DLG3: variants seen among roughly 807,000 people sequenced by gnomAD.
DLG3 encodes the protein discs large MAGUK scaffold protein 3.
A neutral mutation model predicts 64.1 loss-of-function variants in DLG3; 1 was observed. The ratio of observed to expected loss-of-function variants is 0.02; its 90% CI spans 0.01 to 0.07. DLG3 has a LOEUF of 0.07. Among genes scored for constraint, DLG3 ranks in the 10% least tolerant of loss-of-function variants. DLG3 has a pLI of 1.00. For missense variants in DLG3, 429 were observed against 669.5 expected (o/e 0.64, Z 3.96); for synonymous variants, 245 against 259.8 (o/e 0.94, Z 0.55).
intron 18 of DLG3, among the ~76,000 whole-genome samples, 164 bp downstream of exon 18, chrX:70,501,153 G>A (rs759092183): frequency 2.9e-4 from 32 of 111,060 alleles, no homozygotes; most frequent in Non-Finnish European, 5.5e-4. Flanking sequence ...CAAGTTCCCC[G>A]TGTCCAGCCA....
chrX:70,470,724 C>A (rs966757493), intron 9 of DLG3, among the ~76,000 whole-genome samples: 1 of 111,858 alleles, frequency 8.9e-6, no homozygotes, highest in African/African-American at 3.2e-5. Context: ...AGAAACTGAG[C>A]ACCTCTCAGC....
At chrX:70,501,413 C>CTGTGTGTGTGTGTGTGTGTGTGTGTG (rs58272461) in intron 18 of DLG3, among the ~76,000 whole-genome samples, 10 of 93,884 alleles carry the variant, frequency 1.1e-4, no homozygotes, top group African/African-American at 3.7e-4. Flanking sequence ...GTCTGTCTGT[C>CTGTGTGTGTGTGTGTGTGTGTGTGTG]TGTGTGTGTG....
Position 70,471,440 on chromosome X carries a change from C to T in DLG3, c.1406-7710C>T, listed in dbSNP as rs184924724. Among the ~76,000 whole-genome samples, 735 of 109,543 alleles carry T rather than the reference C, an allele frequency of 6.7e-3. 3 individuals carry two copies. Among genetic ancestry groups the T allele is most frequent in the African/African-American group, 0.023 (702 of 30,064 alleles). On this transcript the variant is annotated intron_variant, in intron 9 of 18. Coordinates refer to ENST00000374360, the MANE Select transcript of DLG3 (RefSeq NM_021120.4). ...CGCCTCCTGGGTTCACACCGTTCTC[C>T]TGCCTCAGCCTCCTGAGAAGCTGGG... is the stretch of plus-strand genomic sequence containing the variant.
chrX:70,475,446 C>T (rs1296496978), intron 9 of DLG3, among the ~76,000 whole-genome samples: 2 of 111,183 alleles, frequency 1.8e-5, no homozygotes, highest in East Asian at 5.7e-4. Context: ...CAACCCTCGC[C>T]TCCCAGGTTC....
At position 70,483,521 on chromosome X, in the gene DLG3, C is replaced by G. The variant is rs768975645; in HGVS notation, c.1520+4257C>G. 1.4e-3 allele frequency among the ~76,000 whole-genome samples: 162 copies of G among 112,690 alleles called. 1 individual carries two copies. Among genetic ancestry groups the G allele is most frequent in the Non-Finnish European group, 2.4e-3 (127 of 53,323 alleles). On this transcript the variant is annotated intron_variant, in intron 10 of 18. Coordinates refer to ENST00000374360, the MANE Select transcript of DLG3 (RefSeq NM_021120.4). The stretch of plus-strand genomic sequence containing the variant: ...GTCACCTCTGATTATTTTGCTGTCG[C>G]TTTCCCTATGACATGATTATTTTGC...
chrX:70,500,431 A>G (rs1318649077), intron 16 of DLG3, 40 bp from the exon 17 acceptor site: 1 of 1,068,587 alleles, frequency 9.4e-7, no homozygotes. Context: ...GACTTGGTGA[A>G]TAGGGAGTGG....
intron 4 of DLG3, 125 bp downstream of exon 4, chrX:70,449,984 C>T: frequency 9.9e-7 from 1 of 1,014,763 alleles, no homozygotes; most frequent in Non-Finnish European, 1.3e-6. Flanking sequence ...CAACTCACAG[C>T]CTACTTTTTT....
In DLG3 at chrX:70,499,199, A is replaced by C; in HGVS notation, c.1894A>C (p.Ile632Leu). The change falls in exon 15 of 19, where the codon ATC becomes CTC. Residue 632 changes from isoleucine to leucine, a missense_variant. Physicochemically the swap from Ile to Leu is conservative, Grantham distance 5 (BLOSUM62 2). This residue lies in a region of DLG3 where 46 missense variants were observed against 64.4 expected (regional missense o/e 0.71). Coordinates refer to ENST00000374360, the MANE Select transcript of DLG3 (RefSeq NM_021120.4). ...AGTTCACTATGCAAGGCCTGTGATC[A>C]TCCTGGGCCCAATGAAGGACCGAGT... ...QEIHYARPVI[I>L]LGPMKDRVND... 1 of 1,209,875 alleles carries C rather than the reference A, an allele frequency of 8.3e-7. No individual in the cohort carries two copies. Among genetic ancestry groups the C allele is most frequent in the Non-Finnish European group, 1.1e-6 (1 of 894,258 alleles).
chrX:70,482,704 C>T (rs772212989), intron 10 of DLG3, among the ~76,000 whole-genome samples: 3 of 80,575 alleles, frequency 3.7e-5, no homozygotes, highest in African/African-American at 5.0e-5. Flanking sequence ...CTCGCTCTGT[C>T]GCCCAGGCTG....
In DLG3 at chrX:70,452,444, C is replaced by G; in HGVS notation, c.1145+418C>G. The G allele has an allele frequency of 4.2e-6, 4 of 956,399 alleles. No homozygotes were observed. In the South Asian group the frequency reaches 1.6e-4, roughly 38 times the overall value. 78.8% of individuals were successfully genotyped at this position (956,399 alleles called of 1,213,427 possible). ...ACTCTGACCGGCCCGGTGGCCTCGC[C>G]GGCAACGGCCCCGCCCCGCTGGCGG... On this transcript the variant is annotated intron_variant, in intron 7 of 18. Transcript: ENST00000374360.
rs764279495 is a variant in DLG3, at chrX:70,499,294, G to A, written c.1972+17G>A. ...GTGTGCCACGTAAGAGTCCAGGAAG[G>A]CCCAGAGGAGTGAGGCTTGGTGCCC... On this transcript the variant is annotated intron_variant, in intron 15 of 18. Transcript: ENST00000374360. 1.8e-5 allele frequency: 20 copies of A among 1,112,095 alleles called. No individual in the cohort carries two copies. Among genetic ancestry groups the A allele is most frequent in the Non-Finnish European group, 9.9e-6 (8 of 806,272 alleles). The allele number at this position is 1,112,095 out of a possible 1,213,427, so 91.6% of individuals were successfully genotyped here. A position where few individuals can be genotyped will look rare whatever the true frequency, so the allele number is the denominator to read the frequency against.
intron 9 of DLG3, among the ~76,000 whole-genome samples, chrX:70,475,552 G>GT (rs2087041576): frequency 8.9e-6 from 1 of 111,959 alleles, no homozygotes; most frequent in Non-Finnish European, 1.9e-5. Flanking sequence ...GTTTCACCAT[G>GT]TTGGCCACAC....
chrX:70,447,065 C>T (rs7889367), intron 1 of DLG3, among the ~76,000 whole-genome samples: 20,301 of 110,588 alleles, frequency 0.18, 1,658 homozygotes, highest in African/African-American at 0.3. Flanking sequence ...GCCTTTCTCT[C>T]GCAAACACCC....
chrX:70,473,520 C>T (rs1034710308), intron 9 of DLG3, among the ~76,000 whole-genome samples: 1 of 111,905 alleles, frequency 8.9e-6, no homozygotes, highest in Non-Finnish European at 1.9e-5. Flanking sequence ...TTCTAGGGAC[C>T]ATTTTGATTA....
chrX:70,462,243 C>CTTTTTTTTTTTTTTT (rs141689653), intron 9 of DLG3, among the ~76,000 whole-genome samples: 58 of 46,974 alleles, frequency 1.2e-3, no homozygotes, highest in East Asian at 2.6e-3. Context: ...TTCTTTCTTT[C>CTTTTTTTTTTTTTTT]TTTTTTTTTT....
Position 70,504,335 on chromosome X carries a change from A to G in DLG3, c.*2066A>G, listed in dbSNP as rs1239004813. 8.9e-6 allele frequency: 1 copy of G among 112,500 alleles called. No individual in the cohort carries two copies. The highest frequency in any genetic ancestry group is 1.9e-5 in the Non-Finnish European group (1 of 53,205). 9.3% of individuals were successfully genotyped at this position (112,500 alleles called of 1,213,427 possible). A position where few individuals can be genotyped will look rare whatever the true frequency, so the allele number is the denominator to read the frequency against. On this transcript the variant is annotated 3_prime_UTR_variant, in exon 19 of 19. Transcript: ENST00000374360. ...TTACCAGTGTTTCTTCCAAGGAGAC[A>G]TATATTTTTTAATAAACGATAGTTG...
intron 15 of DLG3, 25 bp downstream of exon 15, chrX:70,499,302 G>A: frequency 9.2e-7 from 1 of 1,082,894 alleles, no homozygotes; most frequent in Non-Finnish European, 1.3e-6. Context: ...AGGCCCAGAG[G>A]AGTGAGGCTT....
rs375246548 is a variant in DLG3, at chrX:70,449,523, A to G, written c.533+40A>G. The G allele has an allele frequency of 1.5e-4, 172 of 1,120,675 alleles. 1 individual carries two copies. The highest frequency in any genetic ancestry group is 1.9e-4 in the Non-Finnish European group (157 of 840,478). The allele number at this position is 1,120,675 out of a possible 1,213,427, so 92.4% of individuals were successfully genotyped here. On this transcript the variant is annotated intron_variant, in intron 3 of 18. Coordinates refer to ENST00000374360, the MANE Select transcript of DLG3 (RefSeq NM_021120.4). ...AAGCAGGGTTGTGGGTGGCAGGGAC[A>G]GGATCGAGATGAGGGGAGGAAAGCC...
At position 70,505,472 on chromosome X, in the gene DLG3, A is replaced by G. The variant is rs982420883; in HGVS notation, c.*3203A>G. On this transcript the variant is annotated 3_prime_UTR_variant, in exon 19 of 19. Coordinates refer to ENST00000374360, the MANE Select transcript of DLG3 (RefSeq NM_021120.4). ...TATGGTCTACCCATGAATAAATAAA[A>G]TATTTGTTCAAGCACAAATGACCAG... is the stretch of plus-strand genomic sequence containing the variant. The G allele has an allele frequency of 8.9e-6, 1 of 112,556 alleles. No homozygotes were observed. The highest frequency in any genetic ancestry group is 1.9e-5 in the Non-Finnish European group (1 of 53,340). 9.3% of individuals were successfully genotyped at this position (112,556 alleles called of 1,213,427 possible).
Sources: gnomAD v4.1 joint callset for allele counts (sites outside exome capture counted in the v4.1 genomes callset) on GRCh38, gnomAD v4.1.1 for gene constraint, gnomAD v4.1.1 regional missense constraint, MANE v1.5 for transcripts, NCBI Gene and HGNC (gene_info 2026-07-23, HGNC 2026-07-21) for gene names.